Variants in PNPLA1 observed in about 807,000 individuals in gnomAD.
PNPLA1 encodes the protein omega-hydroxyceramide transacylase.
Under a neutral mutation model 51.7 loss-of-function variants are expected in PNPLA1, and 36 were observed. The ratio of observed to expected loss-of-function variants is 0.70; its 90% CI spans 0.53 to 0.92. The LOEUF (loss-of-function observed/expected upper bound fraction) is 0.92, where lower values mean the gene tolerates loss of function less well. Among genes scored for constraint, PNPLA1 ranks in the 40% least tolerant of loss-of-function variants. The pLI is 0.00. For missense variants in PNPLA1, 658 were observed against 682.5 expected, an observed-to-expected ratio of 0.96 and a Z score of 0.40; for synonymous variants, 293 against 280.1, an observed-to-expected ratio of 1.05 and a Z score of -0.46.
At chr6:36,282,088 A>AGAAAGAAAGAAG (rs1554136580) in intron 1 of PNPLA1, among the ~76,000 whole-genome samples, 205 of 98,750 alleles carry the variant, frequency 2.1e-3, no homozygotes, top group African/African-American at 4.5e-3. Flanking sequence ...AAAGAAAGAA[A>AGAAAGAAAGAAG]GAAGGAAGGA....
Position 36,274,087 on chromosome 6 carries a change from C to G in PNPLA1, c.205+3423C>G, listed in dbSNP as rs529304478. Among the ~76,000 whole-genome samples the G allele has an allele frequency of 1.6e-4, 24 of 152,352 alleles. No individual in the cohort carries two copies. In the South Asian group the frequency reaches 4.1e-3, roughly 26 times the overall value. ...TACAATTTACTCTTAACTAGCACTT[C>G]CTTTTATATCAGGCACCGTTCTACC... is the stretch of plus-strand genomic sequence containing the variant. On this transcript the variant is annotated intron_variant, in intron 1 of 8. Transcript: ENST00000636260.
chr6:36,312,467 C>T lies in PNPLA1; in HGVS notation c.*581C>T, dbSNP rs1771427848. 6.6e-6 allele frequency among the ~76,000 whole-genome samples: 1 copy of T among 152,304 alleles called. No individual in the cohort carries two copies. Among genetic ancestry groups the T allele is most frequent in the South Asian group, 2.1e-4 (1 of 4,828 alleles). On this transcript the variant is annotated 3_prime_UTR_variant, in exon 9 of 9. Coordinates refer to ENST00000636260, the MANE Select transcript of PNPLA1 (RefSeq NM_001374623.1). ...CATTGGCTATAACAGGCCTGGCTAC[C>T]TGCTGAGGGTTGCCCAAGGTGTATG...
chr6:36,295,688 C>T (rs1770838957), intron 5 of PNPLA1, among the ~76,000 whole-genome samples: 1 of 152,192 alleles, frequency 6.6e-6, no homozygotes, highest in Admixed American at 6.5e-5. Context: ...TGCATGTATG[C>T]TTATGAATGT....
rs773420494 is a variant in PNPLA1 at position 36,270,566 on chromosome 6, G to A, written c.107G>A (p.Arg36Gln). ...CAGGCGGGGGCTGTGGACGCCCTGC[G>A]GGACCTGGCCCCCCGGATGCTGGAA... The part of the protein sequence containing the change: ...FYQAGAVDAL[R>Q]DLAPRMLETA... Residue 36 changes from arginine (R) to glutamine (Q), a missense_variant, in exon 1 of 9, where the codon CGG (arginine) becomes CAG (glutamine). Physicochemically the swap from Arg to Gln is conservative, Grantham distance 43. Coordinates refer to ENST00000636260, the MANE Select transcript of PNPLA1 (RefSeq NM_001374623.1). The A allele has an allele frequency of 2.0e-5, 31 of 1,551,632 alleles. No individual in the cohort carries two copies. The highest frequency in any genetic ancestry group is 2.7e-5 in the Non-Finnish European group (31 of 1,146,996).
At chr6:36,266,915 G>T (rs1769773842), upstream of PNPLA1, among the ~76,000 whole-genome samples, 2 of 152,328 alleles carry the variant, frequency 1.3e-5, no homozygotes, top group South Asian at 4.1e-4. Context: ...CAGGAGGTAA[G>T]CAAAGGGTGA....
At chr6:36,298,557 C>G (rs1320686074) in intron 5 of PNPLA1, among the ~76,000 whole-genome samples, 1 of 152,180 alleles carries the variant, frequency 6.6e-6, no homozygotes, top group Non-Finnish European at 1.5e-5. Flanking sequence ...ATCAACAACT[C>G]CCCCTTTTCT....
At chr6:36,268,533 G>C (rs1264322445), upstream of PNPLA1, among the ~76,000 whole-genome samples, 1 of 151,876 alleles carries the variant, frequency 6.6e-6, no homozygotes, top group South Asian at 2.1e-4. Flanking sequence ...GCTGCTCCTC[G>C]ACCAGTGCCT....
At chr6:36,291,883 G>A (rs1770696784) in intron 2 of PNPLA1, among the ~76,000 whole-genome samples, 1 of 152,172 alleles carries the variant, frequency 6.6e-6, no homozygotes, top group Non-Finnish European at 1.5e-5. Context: ...TTCCAGGCTG[G>A]GCTGCCATGC....
intron 1 of PNPLA1, among the ~76,000 whole-genome samples, chr6:36,289,150 A>T (rs1770596694): frequency 6.6e-6 from 1 of 152,216 alleles, no homozygotes; most frequent in African/African-American, 2.4e-5. Flanking sequence ...TGCATTTTTA[A>T]AAGTTTTTCC....
At chr6:36,286,845 A>T (rs1770503500) in intron 1 of PNPLA1, among the ~76,000 whole-genome samples, 1 of 149,900 alleles carries the variant, frequency 6.7e-6, no homozygotes, top group Admixed American at 6.6e-5. Flanking sequence ...TGCCTGGCTA[A>T]TTTAAATTTT....
chr6:36,304,223 A>G (rs1351972480), intron 6 of PNPLA1, among the ~76,000 whole-genome samples: 1 of 152,162 alleles, frequency 6.6e-6, no homozygotes, highest in Non-Finnish European at 1.5e-5. Flanking sequence ...AAACTTCCAG[A>G]GCTATTATGG....
intron 5 of PNPLA1, among the ~76,000 whole-genome samples, chr6:36,297,099 C>T (rs188059873): frequency 3.0e-4 from 46 of 152,288 alleles, no homozygotes; most frequent in Non-Finnish European, 5.1e-4. Flanking sequence ...GATGGTGGCA[C>T]TTCAGGAATC....
At chr6:36,306,889 T>G (rs921150909) in intron 7 of PNPLA1, among the ~76,000 whole-genome samples, 6 of 152,172 alleles carry the variant, frequency 3.9e-5, no homozygotes, top group Admixed American at 3.9e-4. Context: ...AGTGTCTGGG[T>G]TGCATAACAT....
chr6:36,270,516 G>C lies in PNPLA1; in HGVS notation c.57G>C (p.Ser19=), dbSNP rs527238535. ...ACACCCCTCACTCCATCTCCTTCTC[G>C]GGCAGTGGATTCCTCTCCTTCTACC... ...DPDTPHSISF[S]GSGFLSFYQA... is the part of the protein sequence containing the mutation. Residue 19 remains serine, a synonymous_variant, in exon 1 of 9, where the codon TCG becomes TCC. Transcript: ENST00000636260. The C allele has an allele frequency of 6.4e-7, 1 of 1,551,584 alleles. No homozygotes were observed. The highest frequency in any genetic ancestry group is 8.7e-7 in the Non-Finnish European group (1 of 1,147,010).
chr6:36,267,000 A>G (rs1193236870), upstream of PNPLA1, among the ~76,000 whole-genome samples: 2 of 152,184 alleles, frequency 1.3e-5, no homozygotes, highest in Non-Finnish European at 2.9e-5. Flanking sequence ...GTGGCTTCAC[A>G]TATCTTAAAC....
intron 1 of PNPLA1, among the ~76,000 whole-genome samples, chr6:36,253,171 C>T (rs547382543): frequency 9.2e-5 from 14 of 152,206 alleles, no homozygotes; most frequent in South Asian, 8.3e-4. Context: ...CAGAGCGAGA[C>T]GCTGTCTTCA....
intron 1 of PNPLA1, among the ~76,000 whole-genome samples, chr6:36,282,140 A>AAG (rs1770325214): frequency 2.4e-5 from 3 of 127,532 alleles, no homozygotes; most frequent in South Asian, 2.6e-4. Flanking sequence ...AAGGAAGGAA[A>AAG]GAGAGACAGA....
intron 8 of PNPLA1, 71 bp downstream of exon 8, chr6:36,307,783 CGA>C: frequency 6.3e-7 from 1 of 1,580,756 alleles, no homozygotes. Flanking sequence ...AGAGAGATTC[CGA>C]GGAATAGAGG....
intron 2 of PNPLA1, among the ~76,000 whole-genome samples, chr6:36,291,892 G>T (rs1296900999): frequency 6.6e-6 from 1 of 152,160 alleles, no homozygotes; most frequent in Non-Finnish European, 1.5e-5. Flanking sequence ...GGGCTGCCAT[G>T]CATCCCCCCA....
Sources: gnomAD v4.1 joint callset for allele counts (sites outside exome capture counted in the v4.1 genomes callset) on GRCh38, gnomAD v4.1.1 for gene constraint, MANE v1.5 for transcripts, NCBI Gene and HGNC (gene_info 2026-07-23, HGNC 2026-07-21) for gene names.